Variants in BMP6 observed in about 807,000 individuals in gnomAD.
The protein encoded by BMP6 is VG-1-R.
In BMP6, 17 loss-of-function variants were observed where a neutral mutation model predicts 54.1. That is an observed-to-expected ratio of 0.31 (90% CI 0.22 to 0.47). The LOEUF (loss-of-function observed/expected upper bound fraction) is 0.47, where lower values mean the gene tolerates loss of function less well. Among genes scored for constraint, BMP6 ranks in the 20% least tolerant of loss-of-function variants. The pLI is 1.00. For missense variants in BMP6, 720 were observed against 690.4 expected, an observed-to-expected ratio of 1.04 and a Z score of -0.48; for synonymous variants, 328 against 291.2, an observed-to-expected ratio of 1.13 and a Z score of -1.28.
At chr6:7,754,859 A>T (rs1251041586) in intron 1 of BMP6, among the ~76,000 whole-genome samples, 2 of 152,140 alleles carry the variant, frequency 1.3e-5, no homozygotes, top group African/African-American at 2.4e-5. Context: ...CTGGGATTAC[A>T]GGCACTTGCC....
rs146409654 is a variant in BMP6, at chr6:7,844,518, G to A, written c.665-622G>A. ...GTCGTGGAGCCTTCAGGTTCTACCA[G>A]TAGGAGGAAGGCATAAATATTTCCA... On this transcript the variant is annotated intron_variant, in intron 1 of 6. Transcript: ENST00000283147. Among the ~76,000 whole-genome samples the A allele has an allele frequency of 4.5e-3, 682 of 152,274 alleles. 2 individuals carry two copies. Among genetic ancestry groups the A allele is most frequent in the Non-Finnish European group, 6.9e-3 (471 of 68,020 alleles).
At chr6:7,830,447 G>A (rs1446080614) in intron 1 of BMP6, among the ~76,000 whole-genome samples, 6 of 152,250 alleles carry the variant, frequency 3.9e-5, no homozygotes, top group Non-Finnish European at 8.8e-5. Context: ...TAGCCTTGGG[G>A]TGAGGGTGTT....
At chr6:7,840,184 G>A (rs1034710145) in intron 1 of BMP6, among the ~76,000 whole-genome samples, 2 of 152,152 alleles carry the variant, frequency 1.3e-5, no homozygotes, top group African/African-American at 4.8e-5. Context: ...ACTTCATCAT[G>A]TCTCTAAAAA....
At chr6:7,784,007 C>T (rs549414701) in intron 1 of BMP6, among the ~76,000 whole-genome samples, 3 of 152,240 alleles carry the variant, frequency 2.0e-5, no homozygotes, top group Middle Eastern at 3.4e-3. Context: ...AAGCCATGGC[C>T]GATTTCCCCA....
chr6:7,727,689 A>AGT (rs1761767505), intron 1 of BMP6, 70 bp downstream of exon 1: 1 of 1,411,548 alleles, frequency 7.1e-7, no homozygotes, highest in Admixed American at 3.0e-5. Context: ...CAGGGGATGG[A>AGT]GTGAGGGGGT....
At chr6:7,775,676 C>T (rs1757852279) in intron 1 of BMP6, among the ~76,000 whole-genome samples, 1 of 152,210 alleles carries the variant, frequency 6.6e-6, no homozygotes, top group South Asian at 2.1e-4. Context: ...GGTCAGCTCT[C>T]TGATTCTGTT....
At chr6:7,845,632 C>T (rs1759050033) in intron 2 of BMP6, among the ~76,000 whole-genome samples, 1 of 152,092 alleles carries the variant, frequency 6.6e-6, no homozygotes, top group African/African-American at 2.4e-5. Context: ...TTGATTAGTC[C>T]TCATTTTGAA....
chr6:7,815,400 G>A (rs1758510415), intron 1 of BMP6, among the ~76,000 whole-genome samples: 1 of 152,194 alleles, frequency 6.6e-6, no homozygotes. Context: ...AAGAATTGGA[G>A]CAAGTTTCAC....
At chr6:7,729,202 G>T (rs1271746062) in intron 1 of BMP6, among the ~76,000 whole-genome samples, 1 of 152,164 alleles carries the variant, frequency 6.6e-6, no homozygotes, top group Non-Finnish European at 1.5e-5. Context: ...AAAATTTGTA[G>T]TGGGTGGGGG....
Position 7,727,435 on chromosome 6 carries a change from C to G in BMP6, c.480C>G (p.Ser160=), listed in dbSNP as rs138813685. 6.2e-7 allele frequency: 1 copy of G among 1,604,504 alleles called. No individual in the cohort carries two copies. The highest frequency in any genetic ancestry group is 1.7e-5 in the Admixed American group (1 of 59,416). ...DGASEGERQQ[S]WPHEAASSSQ... ...CGTCGGAGGGGGAGAGGCAGCAGTC[C>G]TGGCCCCACGAAGCAGCCAGCTCGT... The change falls in exon 1 of 7, where the codon TCC becomes TCG. Residue 160 remains serine (S), a synonymous_variant. Transcript: ENST00000283147.
At chr6:7,747,838 G>T (rs1215872160) in intron 1 of BMP6, among the ~76,000 whole-genome samples, 3 of 151,508 alleles carry the variant, frequency 2.0e-5, no homozygotes, top group African/African-American at 7.3e-5. Flanking sequence ...TAGAGATGGG[G>T]TTTCTCCATG....
intron 1 of BMP6, among the ~76,000 whole-genome samples, chr6:7,812,973 A>G (rs1285718480): frequency 4.0e-5 from 2 of 49,950 alleles, no homozygotes; most frequent in Admixed American, 3.4e-4. Context: ...AAAGGTGAGG[A>G]AAAAAAAAAC....
chr6:7,851,226 G>A (rs1436975420), intron 2 of BMP6, among the ~76,000 whole-genome samples: 1 of 152,144 alleles, frequency 6.6e-6, no homozygotes, highest in Non-Finnish European at 1.5e-5. Context: ...ACATCTCATC[G>A]ATAATGAGGA....
chr6:7,822,224 C>T (rs1184354922), intron 1 of BMP6, among the ~76,000 whole-genome samples: 6 of 152,076 alleles, frequency 3.9e-5, no homozygotes, highest in East Asian at 1.9e-4. Context: ...TTCACCATGT[C>T]GGTCAGGCTG....
At chr6:7,796,469 A>G (rs1347449165) in intron 1 of BMP6, among the ~76,000 whole-genome samples, 1 of 152,270 alleles carries the variant, frequency 6.6e-6, no homozygotes, top group East Asian at 1.9e-4. Flanking sequence ...AGCATGCTAA[A>G]TAGCATCACC....
intron 1 of BMP6, among the ~76,000 whole-genome samples, chr6:7,815,465 A>G (rs1362060723): frequency 6.6e-6 from 1 of 152,226 alleles, no homozygotes; most frequent in Non-Finnish European, 1.5e-5. Flanking sequence ...GATGTTTATA[A>G]AAAGCTTATC....
At chr6:7,865,671 G>C (rs73719350) in intron 4 of BMP6, among the ~76,000 whole-genome samples, 1,582 of 152,236 alleles carry the variant, frequency 0.01, 25 homozygotes, top group African/African-American at 0.036. Flanking sequence ...TCATGAACCA[G>C]GTAGACATTA....
intron 4 of BMP6, among the ~76,000 whole-genome samples, chr6:7,865,062 T>G (rs1047814205): frequency 2.6e-5 from 4 of 152,188 alleles, no homozygotes; most frequent in African/African-American, 9.7e-5. Flanking sequence ...TTCACTTGAT[T>G]TTATTCAGTA....
intron 4 of BMP6, among the ~76,000 whole-genome samples, chr6:7,872,420 C>G (rs1194130261): frequency 1.3e-5 from 2 of 152,126 alleles, no homozygotes; most frequent in African/African-American, 2.4e-5. Flanking sequence ...TTTGCCAGCA[C>G]TTAACATGGA....
Sources: allele counts gnomAD v4.1 joint callset (sites outside exome capture counted in the v4.1 genomes callset), GRCh38; gene constraint gnomAD v4.1.1; transcripts MANE v1.5; gene names NCBI Gene and HGNC (gene_info 2026-07-23, HGNC 2026-07-21).